The following SCLT1 variants were observed in gnomAD, a reference collection of about 807,000 sequenced individuals.
SCLT1 encodes the protein sodium channel and clathrin linker 1, also known as sodium channel-associated protein 1.
A neutral mutation model predicts 112.8 loss-of-function variants in SCLT1; 78 were observed. The observed-to-expected ratio is 0.69, with a 90% CI of 0.58 to 0.83. The LOEUF is 0.83. Ranked by LOEUF, SCLT1 falls within the 40% of genes least tolerant of loss-of-function variation. SCLT1 has a pLI of 0.00. For missense variants in SCLT1, 747 were observed against 770.4 expected (o/e 0.97, Z 0.36); for synonymous variants, 257 against 254.7 (o/e 1.01, Z -0.09).
intron 1 of SCLT1, among the ~76,000 whole-genome samples, chr4:129,089,982 T>C (rs980253539): frequency 3.9e-5 from 6 of 152,144 alleles, no homozygotes; most frequent in Non-Finnish European, 8.8e-5. Flanking sequence ...CTGCACGTTC[T>C]GCACATGTAC....
chr4:129,026,079 A>G (rs1181933912), intron 5 of SCLT1, among the ~76,000 whole-genome samples: 2 of 152,240 alleles, frequency 1.3e-5, no homozygotes, highest in Non-Finnish European at 2.9e-5. Context: ...AAAGAGACTT[A>G]GACTCCAACA....
intron 2 of SCLT1, among the ~76,000 whole-genome samples, chr4:129,046,087 T>C (rs1459248805): frequency 2.0e-5 from 3 of 152,122 alleles, no homozygotes; most frequent in African/African-American, 7.2e-5. Context: ...ACAGTACAAA[T>C]TATAAGTATA....
At chr4:129,085,657 T>C (rs913881649) in intron 1 of SCLT1, among the ~76,000 whole-genome samples, 5 of 152,160 alleles carry the variant, frequency 3.3e-5, no homozygotes, top group African/African-American at 4.8e-5. Context: ...ATGTGGTACA[T>C]GTATACCATG....
intron 1 of SCLT1, among the ~76,000 whole-genome samples, chr4:129,087,934 A>T (rs1307465381): frequency 6.6e-6 from 1 of 151,826 alleles, no homozygotes; most frequent in Non-Finnish European, 1.5e-5. Context: ...AAAAGAAAAA[A>T]AAATTAGCCA....
chr4:128,972,494 G>A (rs1209043616), intron 9 of SCLT1: 1 of 151,828 alleles, frequency 6.6e-6, no homozygotes, highest in Non-Finnish European at 1.5e-5. Context: ...AACACTACAG[G>A]CAGGGACCCA....
chr4:128,991,588 A>T lies in SCLT1; in HGVS notation c.686+579T>A, dbSNP rs529172781. 2.6e-5 allele frequency among the ~76,000 whole-genome samples: 4 copies of T among 151,998 alleles called. No homozygotes were observed. In the East Asian group the frequency reaches 7.7e-4, roughly 29 times the overall value. ...ACTACCCACTGGACAAGGGATTAAT[A>T]ACCAGAATTGGAATATATAAGGAGC... On this transcript the variant is annotated intron_variant, in intron 9 of 20. Transcript: ENST00000281142.
At chr4:129,024,424 T>A (rs999578098) in intron 5 of SCLT1, among the ~76,000 whole-genome samples, 2 of 152,320 alleles carry the variant, frequency 1.3e-5, no homozygotes, top group Middle Eastern at 3.4e-3. Flanking sequence ...CTGCTGCTGT[T>A]ACCCAGGCAA....
intron 18 of SCLT1, among the ~76,000 whole-genome samples, chr4:128,922,053 C>A (rs555653817): frequency 8.5e-5 from 13 of 152,150 alleles, no homozygotes; most frequent in Non-Finnish European, 1.6e-4. Context: ...AAATGCCCAA[C>A]ATCACTGATC....
chr4:129,007,268 A>G (rs1440104228), intron 5 of SCLT1, among the ~76,000 whole-genome samples: 1 of 152,090 alleles, frequency 6.6e-6, no homozygotes. Context: ...TCTTAATTGC[A>G]TTATTCAAAT....
At chr4:129,039,009 TAA>T in intron 5 of SCLT1, 30 bp downstream of exon 5, 1 of 1,267,192 alleles carries the variant, frequency 7.9e-7, no homozygotes, top group Non-Finnish European at 1.2e-6. Context: ...AAGACAATAA[TAA>T]AAGATAAAAC....
intron 6 of SCLT1, among the ~76,000 whole-genome samples, chr4:129,003,281 T>C (rs899338307): frequency 2.6e-5 from 4 of 151,292 alleles, no homozygotes; most frequent in African/African-American, 9.7e-5. Flanking sequence ...CCAGGGCCTG[T>C]TGTGGGGTTG....
intron 3 of SCLT1, among the ~76,000 whole-genome samples, chr4:128,878,799 A>C (rs991291670): frequency 1.3e-5 from 2 of 152,140 alleles, no homozygotes; most frequent in African/African-American, 4.8e-5. Flanking sequence ...ATTTTTTTCT[A>C]CTACTTTACT....
intron 4 of SCLT1, chr4:129,039,895 C>CGCGCGCGT (rs1468288274): frequency 4.9e-6 from 1 of 203,210 alleles, no homozygotes; most frequent in African/African-American, 6.1e-5. Flanking sequence ...AGAGTGTGCG[C>CGCGCGCGT]GCGCGCACAC....
At chr4:129,031,613 G>C (rs1010323854) in intron 5 of SCLT1, among the ~76,000 whole-genome samples, 1 of 152,132 alleles carries the variant, frequency 6.6e-6, no homozygotes, top group Non-Finnish European at 1.5e-5. Context: ...CTTCAGCAAA[G>C]TCTCAGGATA....
At chr4:128,992,355 A>AT in intron 8 of SCLT1, 118 bp from the exon 9 acceptor site, 2 of 611,798 alleles carry the variant, frequency 3.3e-6, no homozygotes, top group South Asian at 2.4e-5. Context: ...TAAAGATTAG[A>AT]TTTTTTGAGG....
In SCLT1 at chr4:128,954,312, T is replaced by C. The variant is rs531926468; in HGVS notation, c.1147-1472A>G. Among the ~76,000 whole-genome samples the C allele has an allele frequency of 2.9e-3, 384 of 134,354 alleles. 2 individuals carry two copies. The highest frequency in any genetic ancestry group is 0.011 in the African/African-American group (365 of 33,812). The allele number at this position is 134,354 out of a possible 152,430, so 88.1% of individuals were successfully genotyped here. On this transcript the variant is annotated intron_variant, in intron 13 of 20. Transcript: ENST00000281142. ...GCCAAGCATATTATTTCTGGGTCTA[T>C]TTTAGTTTTTTTTTTTTTTTTTTTG...
At chr4:128,882,071 A>AT (rs1215613268), downstream of SCLT1, among the ~76,000 whole-genome samples, 3 of 152,114 alleles carry the variant, frequency 2.0e-5, no homozygotes, top group African/African-American at 7.2e-5. Context: ...GGAAAGTTAG[A>AT]TTTTTTTGAA....
downstream of SCLT1, among the ~76,000 whole-genome samples, chr4:128,882,973 C>A (rs953916221): frequency 1.3e-5 from 2 of 151,748 alleles, no homozygotes; most frequent in South Asian, 2.1e-4. Flanking sequence ...ATGGTGAAAC[C>A]CCATCTCTAT....
rs566255126 is a variant in SCLT1, at chr4:128,885,197, GA to G, written c.2005-659del. Among the ~76,000 whole-genome samples the G allele has an allele frequency of 3.4e-3, 515 of 152,124 alleles. 4 individuals carry two copies. Among genetic ancestry groups the G allele is most frequent in the Non-Finnish European group, 5.8e-3 (395 of 67,982 alleles). Reference sequence around the variant, plus strand: ...ATGATAGATTATAACAAGTCTAATAGAAAAATAATCTTTAAATGTTAGTAGG... The same window carrying G: ...ATGATAGATTATAACAAGTCTAATAGAAAATAATCTTTAAATGTTAGTAGG... On this transcript the variant is annotated intron_variant, in intron 20 of 20. Transcript: ENST00000281142.
Sources: allele counts gnomAD v4.1 joint callset (sites outside exome capture counted in the v4.1 genomes callset), GRCh38; gene constraint gnomAD v4.1.1; transcripts MANE v1.5; gene names NCBI Gene and HGNC (gene_info 2026-07-23, HGNC 2026-07-21).